DPY19L4: variants seen among roughly 807,000 people sequenced by gnomAD.
DPY19L4 encodes the protein dpy-19 like 4, also known as probable C-mannosyltransferase DPY19L4.
Under a neutral mutation model 102.8 loss-of-function variants are expected in DPY19L4, and 97 were observed. The observed-to-expected ratio is 0.94, with a 90% CI of 0.80 to 1.12. The LOEUF (loss-of-function observed/expected upper bound fraction) is 1.12. Among genes scored for constraint, DPY19L4 ranks in the 50% most tolerant of loss-of-function variants. The pLI is 0.00. For missense variants in DPY19L4, 815 were observed against 850.4 expected (o/e 0.96, Z 0.52); for synonymous variants, 252 against 283.1 (o/e 0.89, Z 1.10).
chr8:94,736,956 G>A (rs574249682), intron 3 of DPY19L4, among the ~76,000 whole-genome samples: 2 of 152,054 alleles, frequency 1.3e-5, no homozygotes, highest in South Asian at 4.1e-4. Context: ...AGATTTTCCG[G>A]ATATATGTTA....
intron 6 of DPY19L4, among the ~76,000 whole-genome samples, chr8:94,749,654 G>A (rs80117344): frequency 0.019 from 2,831 of 152,232 alleles, 87 homozygotes; most frequent in African/African-American, 0.064. Flanking sequence ...ATAAGGAATG[G>A]CATGCATCCT....
chr8:94,764,252 C>T (rs926473474), intron 8 of DPY19L4, among the ~76,000 whole-genome samples: 3 of 152,082 alleles, frequency 2.0e-5, no homozygotes, highest in Admixed American at 6.6e-5. Flanking sequence ...GCTTTTAAAG[C>T]TCTTTATTTT....
At chr8:94,720,346 G>C in intron 1 of DPY19L4, 2 of 850,888 alleles carry the variant, frequency 2.4e-6, no homozygotes, top group Non-Finnish European at 2.8e-6. Flanking sequence ...GGCGCAGTTT[G>C]GTTTCGAAGA....
chr8:94,776,959 G>A (rs1227987380), intron 13 of DPY19L4, among the ~76,000 whole-genome samples: 17 of 124,370 alleles, frequency 1.4e-4, no homozygotes, highest in South Asian at 7.5e-4. Context: ...GTGAGACTCC[G>A]CTTCAAAAAA....
intron 2 of DPY19L4, among the ~76,000 whole-genome samples, chr8:94,733,347 G>C (rs998283557): frequency 1.3e-5 from 2 of 151,550 alleles, no homozygotes; most frequent in Non-Finnish European, 2.9e-5. Flanking sequence ...GGATGGTCTC[G>C]ATCTCCTGAC....
rs761488015 is a variant in DPY19L4, at chr8:94,766,621, C to G, written c.1111C>G (p.Pro371Ala). 2 of 1,612,422 alleles carry G rather than the reference C, an allele frequency of 1.2e-6. No individual in the cohort carries two copies. Among genetic ancestry groups the G allele is most frequent in the African/African-American group, 2.7e-5 (2 of 74,748 alleles). ...TGTTTTTCTCTTCTAGATGTTTGTC[C>G]CACACAAAGAAAATGGGCACATGCT... The part of the protein sequence containing the change: ...TLNIIMKMFV[P>A]HKENGHMLKF... The change falls in exon 11 of 19, where the codon CCA (proline) becomes GCA (alanine). Residue 371 changes from proline (P) to alanine (A), a missense_variant. By Grantham distance (27) the Pro-to-Ala change is conservative (BLOSUM62 -1). Coordinates refer to ENST00000414645, the MANE Select transcript of DPY19L4 (RefSeq NM_181787.3).
At chr8:94,745,370 T>C (rs1811628318) in intron 6 of DPY19L4, among the ~76,000 whole-genome samples, 1 of 152,150 alleles carries the variant, frequency 6.6e-6, no homozygotes, top group Non-Finnish European at 1.5e-5. Context: ...TACAAATACA[T>C]ACCTAGGTTT....
intron 13 of DPY19L4, among the ~76,000 whole-genome samples, chr8:94,771,882 T>A (rs1169136783): frequency 6.6e-6 from 1 of 152,178 alleles, no homozygotes; most frequent in East Asian, 1.9e-4. Context: ...TTACAAAATA[T>A]ATATATAGGG....
intron 3 of DPY19L4, among the ~76,000 whole-genome samples, chr8:94,737,579 T>G (rs1434021683): frequency 6.6e-6 from 1 of 151,350 alleles, no homozygotes; most frequent in African/African-American, 2.4e-5. Flanking sequence ...GTCAGGAGAT[T>G]GAGACCATCC....
At chr8:94,764,728 T>TTTTTTC (rs1563601456) in intron 8 of DPY19L4, among the ~76,000 whole-genome samples, 2 of 97,624 alleles carry the variant, frequency 2.0e-5, no homozygotes, top group African/African-American at 9.2e-5. Flanking sequence ...TTTTTTTTTT[T>TTTTTTC]TTTTTTTTTT....
intron 16 of DPY19L4, 118 bp from the exon 17 acceptor site, chr8:94,783,552 A>T: frequency 7.4e-7 from 1 of 1,353,030 alleles, no homozygotes; most frequent in East Asian, 2.6e-5. Flanking sequence ...GAAAACTGGC[A>T]TTGAAACTGA....
chr8:94,782,079 T>A (rs1042309688), intron 16 of DPY19L4, among the ~76,000 whole-genome samples: 2 of 152,158 alleles, frequency 1.3e-5, no homozygotes, highest in Non-Finnish European at 2.9e-5. Context: ...ATAATAAAAT[T>A]TATGTCATTT....
In DPY19L4 at chr8:94,766,752, C is replaced by T. The variant is rs1027212099; in HGVS notation, c.1175+67C>T. 1.7e-5 allele frequency: 24 copies of T among 1,431,956 alleles called. No homozygotes were observed. In the Admixed American group the frequency reaches 2.5e-4, roughly 15 times the overall value. 88.7% of individuals were successfully genotyped at this position (1,431,956 alleles called of 1,614,324 possible). On this transcript the variant is annotated intron_variant, in intron 11 of 18. Coordinates refer to ENST00000414645, the MANE Select transcript of DPY19L4 (RefSeq NM_181787.3). The stretch of plus-strand genomic sequence containing the variant: ...TTAGAAAATAAAGATAAAAAATACT[C>T]GATGGCCGGGCATAGTGGCTCACAT...
At chr8:94,729,945 T>C (rs550355199) in intron 2 of DPY19L4, among the ~76,000 whole-genome samples, 5 of 152,030 alleles carry the variant, frequency 3.3e-5, no homozygotes, top group African/African-American at 1.2e-4. Context: ...ACTACAAAAA[T>C]ATATTTTCAG....
At chr8:94,738,114 C>T (rs562435669) in intron 3 of DPY19L4, among the ~76,000 whole-genome samples, 3 of 151,316 alleles carry the variant, frequency 2.0e-5, no homozygotes, top group Admixed American at 6.6e-5. Context: ...GTCAGGAGAT[C>T]GAAACCATCC....
intron 3 of DPY19L4, among the ~76,000 whole-genome samples, chr8:94,737,500 A>C (rs946323861): frequency 6.6e-6 from 1 of 151,384 alleles, no homozygotes; most frequent in Non-Finnish European, 1.5e-5. Flanking sequence ...AAAACCAAGT[A>C]AGGGCCAGGC....
At chr8:94,730,106 AT>A (rs1810881205) in intron 2 of DPY19L4, among the ~76,000 whole-genome samples, 3 of 151,304 alleles carry the variant, frequency 2.0e-5, no homozygotes, top group Admixed American at 2.0e-4. Context: ...TGAATCCTGC[AT>A]TTTTTTCTCA....
chr8:94,743,729 C>G (rs145795655), intron 6 of DPY19L4, among the ~76,000 whole-genome samples: 1 of 152,006 alleles, frequency 6.6e-6, no homozygotes, highest in Non-Finnish European at 1.5e-5. Context: ...TTCTTGGCTG[C>G]GTGCAGTGGC....
At chr8:94,741,316 A>G (rs2130824052) in intron 6 of DPY19L4, among the ~76,000 whole-genome samples, 1 of 152,266 alleles carries the variant, frequency 6.6e-6, no homozygotes, top group Admixed American at 6.5e-5. Flanking sequence ...CCTTTTTACC[A>G]TTAAGCATTT....
Sources: allele counts gnomAD v4.1 joint callset (sites outside exome capture counted in the v4.1 genomes callset), GRCh38; gene constraint gnomAD v4.1.1; transcripts MANE v1.5; gene names NCBI Gene and HGNC (gene_info 2026-07-23, HGNC 2026-07-21).